CDH26: variants seen among roughly 807,000 people sequenced by gnomAD.
The protein encoded by CDH26 is cadherin 26.
In CDH26, 83 loss-of-function variants were observed where a neutral mutation model predicts 90.3. The ratio of observed to expected loss-of-function variants is 0.92; its 90% CI spans 0.77 to 1.10. CDH26 has a LOEUF of 1.10. CDH26 is among the 50% of genes least tolerant of loss of function. The pLI is 0.00. For synonymous variants in CDH26, 397 were observed against 396.3 expected (o/e 1.00, Z -0.02); for missense variants, 1,013 against 1,037.6 (o/e 0.98, Z 0.33).
At chr20:60,002,971 A>T (rs896555960) in intron 16 of CDH26, 105 bp downstream of exon 16, 4 of 614,922 alleles carry the variant, frequency 6.5e-6, no homozygotes, top group African/African-American at 5.8e-5. Context: ...AAGAGGTGAT[A>T]AAAAAAAATA....
chr20:60,012,377 G>A, intron 17 of CDH26, 150 bp from the exon 18 acceptor site: 1 of 664,092 alleles, frequency 1.5e-6, no homozygotes, highest in Non-Finnish European at 2.5e-6. Flanking sequence ...TGCCACTTCT[G>A]GAACTGTACG....
chr20:60,033,096 G>A (rs111964247), intron 8 of CDH26, among the ~76,000 whole-genome samples: 4 of 152,192 alleles, frequency 2.6e-5, no homozygotes, highest in Non-Finnish European at 5.9e-5. Context: ...TAGAGCATTG[G>A]CTTTGGTTTG....
At chr20:60,016,552 C>G (rs6092856), downstream of CDH26, among the ~76,000 whole-genome samples, 592 of 152,208 alleles carry the variant, frequency 3.9e-3, 3 homozygotes, top group African/African-American at 0.013. Flanking sequence ...ATTATGTCAT[C>G]TGCAAACAGG....
At chr20:59,991,271 C>T (rs2061525005) in intron 9 of CDH26, among the ~76,000 whole-genome samples, 1 of 152,140 alleles carries the variant, frequency 6.6e-6, no homozygotes, top group Non-Finnish European at 1.5e-5. Context: ...ATACTTAGGT[C>T]TCAGGAAATG....
At chr20:60,025,908 C>G (rs2061993036) in intron 7 of CDH26, among the ~76,000 whole-genome samples, 1 of 152,164 alleles carries the variant, frequency 6.6e-6, no homozygotes, top group South Asian at 2.1e-4. Flanking sequence ...CTGCTTGCCC[C>G]TGATCAAAAT....
chr20:60,004,765 C>CA (rs140015980), intron 16 of CDH26, among the ~76,000 whole-genome samples: 612 of 47,460 alleles, frequency 0.013, 8 homozygotes, highest in South Asian at 0.062. Flanking sequence ...GACTCCATCT[C>CA]AAAAAAAAAA....
chr20:59,985,357 C>T (rs955764354), intron 7 of CDH26, among the ~76,000 whole-genome samples: 16 of 152,078 alleles, frequency 1.1e-4, no homozygotes, highest in Admixed American at 3.9e-4. Flanking sequence ...GGCCTCAGGA[C>T]GCCTATGATC....
At chr20:59,964,596 T>G (rs1450488020) in intron 1 of CDH26, among the ~76,000 whole-genome samples, 1 of 152,214 alleles carries the variant, frequency 6.6e-6, no homozygotes, top group Non-Finnish European at 1.5e-5. Flanking sequence ...ATTTCCAGTC[T>G]TCCTGCATCA....
At chr20:60,027,102 A>G (rs2062003869) in intron 7 of CDH26, among the ~76,000 whole-genome samples, 2 of 152,114 alleles carry the variant, frequency 1.3e-5, no homozygotes, top group African/African-American at 4.8e-5. Flanking sequence ...GTAGGTGGTC[A>G]CTTAGCTCTC....
chr20:60,016,042 A>G (rs1390979601), downstream of CDH26, among the ~76,000 whole-genome samples: 2 of 152,188 alleles, frequency 1.3e-5, no homozygotes, highest in African/African-American at 2.4e-5. Flanking sequence ...TATATTTTGA[A>G]GTCTGATAGT....
At position 59,992,891 on chromosome 20, in the gene CDH26, T is replaced by C. The variant is rs1338674583; in HGVS notation, c.1426+371T>C. Among the ~76,000 whole-genome samples the C allele has an allele frequency of 1.3e-5, 2 of 151,922 alleles. No individual in the cohort carries two copies. Among genetic ancestry groups the C allele is most frequent in the Admixed American group, 1.3e-4 (2 of 15,222 alleles). On this transcript the variant is annotated intron_variant, in intron 10 of 17. Coordinates refer to ENST00000348616, the MANE Select transcript of CDH26 (RefSeq NM_177980.4). This position sits in a 1 kb window ranked among gnomAD's most constrained non-coding sequence, Gnocchi z 5.0. ...GGGATGGCATACGAGCTCAGATAAATGGGACTGTAAGGGACACATTTGTCA... is the reference window on the plus strand; with the variant it reads ...GGGATGGCATACGAGCTCAGATAAACGGGACTGTAAGGGACACATTTGTCA...
intron 7 of CDH26, among the ~76,000 whole-genome samples, chr20:60,026,390 T>TAG (rs60922926): frequency 0.078 from 10,820 of 139,168 alleles, 633 homozygotes; most frequent in African/African-American, 0.16. Flanking sequence ...TGGCTGGAGT[T>TAG]AGAGAGAGAG....
Position 59,994,308 on chromosome 20 carries a change from C to A in CDH26, c.1485C>A (p.Asp495Glu). The change falls in exon 11 of 18, where the codon GAC becomes GAA. Residue 495 changes from aspartate (D) to glutamate (E), a missense_variant. Physicochemically the swap from Asp to Glu is conservative, Grantham distance 45. Coordinates refer to ENST00000348616, the MANE Select transcript of CDH26 (RefSeq NM_177980.4). Reference sequence around the variant, plus strand: ...TGCTCTTCCTGTCTGACATCAATGACAACGTCCCGACTCTCCGGCCACGTT... The same window carrying A: ...TGCTCTTCCTGTCTGACATCAATGAAAACGTCCCGACTCTCCGGCCACGTT... ...TLMLFLSDIN[D>E]NVPTLRPRSR... 6.2e-7 allele frequency: 1 copy of A among 1,613,994 alleles called. No individual in the cohort carries two copies. The highest frequency in any genetic ancestry group is 8.5e-7 in the Non-Finnish European group (1 of 1,180,000).
At chr20:60,004,290 G>A (rs182129533) in intron 16 of CDH26, among the ~76,000 whole-genome samples, 3 of 152,308 alleles carry the variant, frequency 2.0e-5, no homozygotes, top group Non-Finnish European at 4.4e-5. Context: ...TCTGAGAAAT[G>A]TGTTGTTAGG....
chr20:59,976,045 AC>A (rs1356175689), intron 4 of CDH26, among the ~76,000 whole-genome samples: 17 of 152,172 alleles, frequency 1.1e-4, no homozygotes, highest in African/African-American at 3.4e-4. Context: ...ATACAAAGCT[AC>A]CCCAAAACCC....
chr20:59,998,714 T>C (rs1008872022), intron 13 of CDH26, among the ~76,000 whole-genome samples: 2 of 151,262 alleles, frequency 1.3e-5, no homozygotes, highest in African/African-American at 4.9e-5. Context: ...ATCAGTTACA[T>C]AATCTAACTG....
In CDH26 at chr20:59,994,493, A is replaced by G. The variant is rs2145996141; in HGVS notation, c.1666+4A>G. The G allele has an allele frequency of 1.2e-6, 2 of 1,613,774 alleles. No homozygotes were observed. Among genetic ancestry groups the G allele is most frequent in the East Asian group, 4.5e-5 (2 of 44,868 alleles). On this transcript the variant is annotated splice_donor_region_variant and intron_variant, in intron 11 of 17. Transcript: ENST00000348616. ...TGGAAGTTGGGGAGAAATTGGGGTG[A>G]GTTTTTGTATTGGTTACGGGCAAAG...
At chr20:60,025,018 C>T (rs1250621572) in intron 7 of CDH26, among the ~76,000 whole-genome samples, 1 of 152,192 alleles carries the variant, frequency 6.6e-6, no homozygotes. Flanking sequence ...GGACTATCTG[C>T]AGAGCTTGGG....
Position 60,012,994 on chromosome 20 carries a change from TTAGCTTC to T in CDH26, c.*265_*271del, listed in dbSNP as rs2061868089. 5.8e-6 allele frequency: 2 copies of T among 345,996 alleles called. No individual in the cohort carries two copies. The highest frequency in any genetic ancestry group is 1.1e-5 in the Non-Finnish European group (2 of 189,538). The allele number at this position is 345,996 out of a possible 1,614,324, so 21.4% of individuals were successfully genotyped here. A position where few individuals can be genotyped will look rare whatever the true frequency, so the allele number is the denominator to read the frequency against. On this transcript the variant is annotated 3_prime_UTR_variant, in exon 18 of 18. Coordinates refer to ENST00000348616, the MANE Select transcript of CDH26 (RefSeq NM_177980.4). ...AAACTTGAATTTAATTGTGTTATTC[TTAGCTTC>T]CACTGGCAGCCTAGCTTTGAGGGTA...
Sources: allele counts gnomAD v4.1 joint callset (sites outside exome capture counted in the v4.1 genomes callset), GRCh38; gene constraint gnomAD v4.1.1; non-coding constraint Gnocchi (gnomAD v3.1); transcripts MANE v1.5; gene names NCBI Gene and HGNC (gene_info 2026-07-23, HGNC 2026-07-21).